The following MED13 variants were observed in gnomAD, a reference collection of about 807,000 sequenced individuals.
MED13 encodes mediator of RNA polymerase II transcription subunit 13.
Under a neutral mutation model 225.2 loss-of-function variants are expected in MED13, and 23 were observed. That is an observed-to-expected ratio of 0.10 (90% CI 0.07 to 0.14). MED13 has a LOEUF of 0.14. MED13 is among the 10% of genes least tolerant of loss of function. The probability of loss-of-function intolerance (pLI) is 1.00; values close to 1 mark genes in which losing one functional copy is unlikely to be tolerated. For missense variants in MED13, 2,197 were observed against 2,594.5 expected (o/e 0.85, Z 3.33); for synonymous variants, 942 against 889.2 (o/e 1.06, Z -1.06).
chr17:62,009,947 T>C (rs2080490053), intron 9 of MED13, among the ~76,000 whole-genome samples: 1 of 151,998 alleles, frequency 6.6e-6, no homozygotes, highest in Non-Finnish European at 1.5e-5. Flanking sequence ...TGAGGCCAGG[T>C]GCGGTGGCTC....
In MED13 at chr17:61,953,070, T is replaced by C. The variant is rs2079910711; in HGVS notation, c.6012A>G (p.Gly2004=). Residue 2004 remains glycine, a synonymous_variant, in exon 27 of 30, where the codon GGA becomes GGG. Coordinates refer to ENST00000397786, the MANE Select transcript of MED13 (RefSeq NM_005121.3). ...TAATGATATCAGGGTCAAGATCATC[T>C]CCTGTGTCTAACAAATCAAAGATAC... ...GMGIFDLLDT[G]DDLDPDIINI... The C allele has an allele frequency of 6.2e-7, 1 of 1,613,918 alleles. No homozygotes were observed. The highest frequency in any genetic ancestry group is 2.2e-5 in the East Asian group (1 of 44,870).
intron 5 of MED13, among the ~76,000 whole-genome samples, chr17:62,032,082 G>T (rs968443533): frequency 6.6e-6 from 1 of 151,542 alleles, no homozygotes; most frequent in African/African-American, 2.4e-5. Flanking sequence ...AAAAATGTGT[G>T]TTTTTTCTGT....
rs766264503 is a variant in MED13, at chr17:61,955,497, G to T, written c.5853C>A (p.Thr1951=). 7 of 1,600,390 alleles carry T rather than the reference G, an allele frequency of 4.4e-6. No homozygotes were observed. The highest frequency in any genetic ancestry group is 2.3e-5 in the South Asian group (2 of 87,636). The stretch of plus-strand genomic sequence containing the variant: ...TATGAGTACATGATGTATCCTGTGG[G>T]GTATTTAGCTGAGATGTCTGCATAT... ...TLNMQTSQLN[T]PQDTSCTHIL... The change falls in exon 26 of 30, where the codon ACC becomes ACA. Residue 1951 remains threonine, a synonymous_variant. Transcript: ENST00000397786.
At position 62,020,580 on chromosome 17, in the gene MED13, C is replaced by G. The variant is rs531695050; in HGVS notation, c.1283+8961G>C. ...ACTTTTAGTAGAGATGGGGTTTCAC[C>G]ATGGTGGCCAGGATGGTCTCGATCT... On this transcript the variant is annotated intron_variant, in intron 8 of 29. Transcript: ENST00000397786. Among the ~76,000 whole-genome samples the G allele has an allele frequency of 3.4e-3, 518 of 151,610 alleles. 3 individuals carry two copies. The highest frequency in any genetic ancestry group is 0.012 in the African/African-American group (506 of 41,276).
chr17:62,008,882 T>C (rs1047486863), intron 9 of MED13, among the ~76,000 whole-genome samples: 2 of 152,070 alleles, frequency 1.3e-5, no homozygotes, highest in African/African-American at 4.8e-5. Flanking sequence ...CTCCATATAA[T>C]AGTTACATTA....
intron 8 of MED13, among the ~76,000 whole-genome samples, chr17:62,015,934 ATATATATATATATATATATATTT>A (rs1198311869): frequency 2.3e-4 from 2 of 8,838 alleles, no homozygotes; most frequent in Non-Finnish European, 5.2e-4. Flanking sequence ...ATATATATAT[ATATATATATATATATATATATTT>A]TTTTTTTTTT....
At chr17:62,049,727 C>G (rs770145686) in intron 3 of MED13, among the ~76,000 whole-genome samples, 5 of 151,132 alleles carry the variant, frequency 3.3e-5, no homozygotes, top group African/African-American at 4.9e-5. Context: ...GTCAGGAGAT[C>G]GAGACCATCC....
At chr17:62,046,415 T>C (rs1391048542) in intron 3 of MED13, among the ~76,000 whole-genome samples, 1 of 152,232 alleles carries the variant, frequency 6.6e-6, no homozygotes, top group African/African-American at 2.4e-5. Context: ...CTGGTAACAC[T>C]TCACTAATAA....
chr17:61,946,525 G>A lies in MED13; in HGVS notation c.6468C>T (p.Leu2156=), dbSNP rs771227932. The stretch of plus-strand genomic sequence containing the variant: ...GATTCAGCACCACAAAATGAATTGG[G>A]AGACATGAGCGTCTGTCCTGGGTTG... ...DPATQDRRSC[L]PIHFVVLNQL... The change falls in exon 30 of 30, where the codon CTC becomes CTT. Residue 2156 remains leucine (L), a synonymous_variant. Transcript: ENST00000397786. 1 of 1,613,826 alleles carries A rather than the reference G, an allele frequency of 6.2e-7. No homozygotes were observed. Among genetic ancestry groups the A allele is most frequent in the Non-Finnish European group, 8.5e-7 (1 of 1,179,758 alleles).
In MED13 at chr17:62,042,047, C is replaced by T. The variant is rs185925785; in HGVS notation, c.471-6439G>A. 3.9e-5 allele frequency among the ~76,000 whole-genome samples: 6 copies of T among 152,338 alleles called. No individual in the cohort carries two copies. The East Asian group carries it at 1.2e-3, about 29-fold the overall frequency. ...TTGTAAGCTCTCCAGGTGATTCCCA[C>T]ATCCAGACAAGTTTGGGAATCATTA... On this transcript the variant is annotated intron_variant, in intron 3 of 29. Coordinates refer to ENST00000397786, the MANE Select transcript of MED13 (RefSeq NM_005121.3).
At chr17:62,063,519 T>G (rs1175544051) in intron 1 of MED13, among the ~76,000 whole-genome samples, 2 of 152,110 alleles carry the variant, frequency 1.3e-5, no homozygotes, top group Non-Finnish European at 2.9e-5. Flanking sequence ...TGTCACTGAA[T>G]AGCAAGCAAA....
At chr17:61,946,844 A>C in intron 29 of MED13, 73 bp downstream of exon 29, 1 of 1,412,730 alleles carries the variant, frequency 7.1e-7, no homozygotes, top group Non-Finnish European at 9.9e-7. Flanking sequence ...AAAAATGAGA[A>C]AAATATATAA....
chr17:61,957,207 T>C (rs2079953680), intron 23 of MED13, among the ~76,000 whole-genome samples: 1 of 150,278 alleles, frequency 6.7e-6, no homozygotes, highest in Non-Finnish European at 1.5e-5. Flanking sequence ...CCACCACGTC[T>C]AGCTAATTTT....
At chr17:61,998,780 G>GT (rs1468275498) in intron 9 of MED13, among the ~76,000 whole-genome samples, 1 of 151,252 alleles carries the variant, frequency 6.6e-6, no homozygotes, top group Admixed American at 6.6e-5. Flanking sequence ...TTTATTTTTT[G>GT]TAGAGACAGG....
chr17:62,031,588 C>G lies in MED13; in HGVS notation c.865G>C (p.Asp289His). The change falls in exon 6 of 30, where the codon GAC (aspartate) becomes CAC (histidine). Residue 289 changes from aspartate to histidine, a missense_variant. Transcript: ENST00000397786. ...CCCACAGGGCTAGGAGTAGGAATGTCTGACTGAGGGACTAGAACAAAGCAT... is the reference window on the plus strand; with the variant it reads ...CCCACAGGGCTAGGAGTAGGAATGTGTGACTGAGGGACTAGAACAAAGCAT... ...PACFVLVPQS[D>H]IPTPSPVGST... 6.2e-7 allele frequency: 1 copy of G among 1,613,064 alleles called. No individual in the cohort carries two copies. Among genetic ancestry groups the G allele is most frequent in the African/African-American group, 1.3e-5 (1 of 74,942 alleles).
chr17:62,042,761 T>C (rs1413101135), intron 3 of MED13, among the ~76,000 whole-genome samples: 1 of 152,108 alleles, frequency 6.6e-6, no homozygotes, highest in African/African-American at 2.4e-5. Context: ...ATCTACCTCA[T>C]ATTTTTCATG....
chr17:62,059,203 A>T (rs936476831), intron 2 of MED13, among the ~76,000 whole-genome samples: 3 of 152,336 alleles, frequency 2.0e-5, no homozygotes, highest in African/African-American at 7.2e-5. Context: ...TTTAGTTAAT[A>T]ATAAAGTATC....
chr17:62,030,010 T>C lies in MED13; in HGVS notation c.1013A>G (p.Asp338Gly), dbSNP rs1169764161. The C allele has an allele frequency of 8.3e-6, 13 of 1,558,742 alleles. No individual in the cohort carries two copies. Among genetic ancestry groups the C allele is most frequent in the Non-Finnish European group, 1.1e-5 (13 of 1,152,334 alleles). Residue 338 changes from aspartate (D) to glycine (G), a missense_variant, in exon 7 of 30, where the codon GAT (aspartate) becomes GGT (glycine). Asp to Gly is a moderately conservative substitution (Grantham distance 94). Coordinates refer to ENST00000397786, the MANE Select transcript of MED13 (RefSeq NM_005121.3). ...PTSPEEVQTV[D>G]PQSVQKWVKF... ...GACCCACTTCTGGACAGACTGAGGA[T>C]CAACTGAAAACAAAACAAAAAAACA...
At chr17:61,961,566 G>A (rs2080000661) in intron 22 of MED13, 22 bp downstream of exon 22, 1 of 1,545,624 alleles carries the variant, frequency 6.5e-7, no homozygotes, top group Non-Finnish European at 8.8e-7. Context: ...TTGAACTTCG[G>A]TCATGAAAAA....
Sources: allele counts gnomAD v4.1 joint callset (sites outside exome capture counted in the v4.1 genomes callset), GRCh38; gene constraint gnomAD v4.1.1; transcripts MANE v1.5; gene names NCBI Gene and HGNC (gene_info 2026-07-23, HGNC 2026-07-21).